The following RRM2B variants were observed in gnomAD, a reference collection of about 807,000 sequenced individuals.
RRM2B encodes ribonucleotide reductase regulatory TP53 inducible subunit M2B.
A neutral mutation model predicts 45.9 loss-of-function variants in RRM2B; 20 were observed. The observed-to-expected ratio is 0.44, with a 90% confidence interval of 0.31 to 0.63. The LOEUF is 0.63. Ranked by LOEUF, RRM2B falls within the 30% of genes least tolerant of loss-of-function variation. The pLI, the probability that RRM2B is intolerant of heterozygous loss-of-function variation, is 0.09. For synonymous variants in RRM2B, 124 were observed against 132.3 expected, an observed-to-expected ratio of 0.94 and a Z score of 0.43; for missense variants, 320 against 414.7, an observed-to-expected ratio of 0.77 and a Z score of 1.98.
intron 8 of RRM2B, among the ~76,000 whole-genome samples, chr8:102,212,372 A>G (rs1410991307): frequency 6.6e-6 from 1 of 152,222 alleles, no homozygotes; most frequent in Non-Finnish European, 1.5e-5. Flanking sequence ...CTGTTCAAAG[A>G]GTTATATTGT....
At chr8:102,214,468 A>T (rs894265533) in intron 6 of RRM2B, 5 of 295,652 alleles carry the variant, frequency 1.7e-5, no homozygotes, top group Non-Finnish European at 2.7e-5. Context: ...AGAAAGCCTG[A>T]AATGAAAATT....
intron 5 of RRM2B, among the ~76,000 whole-genome samples, chr8:102,220,754 C>G (rs1419882432): frequency 6.6e-6 from 1 of 152,148 alleles, no homozygotes; most frequent in Non-Finnish European, 1.5e-5. Flanking sequence ...GTATTGTAAC[C>G]ATGCTATACA....
At chr8:102,224,852 A>C (rs766155840) in intron 4 of RRM2B, 33 bp downstream of exon 4, 1 of 1,604,668 alleles carries the variant, frequency 6.2e-7, no homozygotes, top group South Asian at 1.1e-5. Context: ...CCAAGCCGTA[A>C]GCAATATTTT....
intron 2 of RRM2B, among the ~76,000 whole-genome samples, chr8:102,227,375 A>G (rs1417884023): frequency 1.3e-5 from 2 of 151,732 alleles, no homozygotes; most frequent in Non-Finnish European, 2.9e-5. Flanking sequence ...TCAGCTCACT[A>G]CAGTCTCTGC....
intron 6 of RRM2B, among the ~76,000 whole-genome samples, chr8:102,216,479 TTTATA>T (rs1303194808): frequency 3.3e-5 from 5 of 152,130 alleles, no homozygotes; most frequent in South Asian, 2.1e-4. Context: ...AAATTTGTAT[TTTATA>T]TTATATTTGT....
intron 2 of RRM2B, among the ~76,000 whole-genome samples, 160 bp downstream of exon 2, chr8:102,231,983 TAAACTA>T (rs1811038247): frequency 6.6e-6 from 1 of 152,196 alleles, no homozygotes; most frequent in East Asian, 1.9e-4. Flanking sequence ...GATAGTAATC[TAAACTA>T]AAACATTGAG....
At chr8:102,216,323 T>C (rs1810729759) in intron 6 of RRM2B, among the ~76,000 whole-genome samples, 1 of 151,986 alleles carries the variant, frequency 6.6e-6, no homozygotes, top group African/African-American at 2.4e-5. Flanking sequence ...CATTACAGAC[T>C]TAAAGGTTAA....
intron 6 of RRM2B, 87 bp downstream of exon 6, chr8:102,218,725 CAA>C (rs573218615): frequency 0.045 from 33,602 of 747,194 alleles, no homozygotes; most frequent in East Asian, 0.06. Context: ...GATCCTGTCT[CAA>C]AAAAAAAAAA....
At chr8:102,220,377 TTATC>T (rs1810809619) in intron 5 of RRM2B, among the ~76,000 whole-genome samples, 1 of 152,226 alleles carries the variant, frequency 6.6e-6, no homozygotes, top group Non-Finnish European at 1.5e-5. Context: ...ATAAGGATAA[TTATC>T]TGTCAGGAAA....
At position 102,232,008 on chromosome 8, in the gene RRM2B, A is replaced by C. The variant is rs1811038735; in HGVS notation, c.204+141T>G. On this transcript the variant is annotated intron_variant, in intron 2 of 8. Transcript: ENST00000251810. ...TAAACTAAAACATTGAGAACATCATATTTAGTCTCAGTAATTCCAACACTT... is the reference window on the plus strand; with the variant it reads ...TAAACTAAAACATTGAGAACATCATCTTTAGTCTCAGTAATTCCAACACTT... 3 of 803,864 alleles carry C rather than the reference A, an allele frequency of 3.7e-6. No homozygotes were observed. The East Asian group carries it at 7.5e-5, about 20-fold the overall frequency. The allele number at this position is 803,864 out of a possible 1,614,324, so 49.8% of individuals were successfully genotyped here. A position where few individuals can be genotyped will look rare whatever the true frequency, so the allele number is the denominator to read the frequency against.
In RRM2B at chr8:102,218,956, C is replaced by T. The variant is rs1810780789; in HGVS notation, c.551-9G>A. ...GGCCACCACTCTTTCCCCTGGGAGA[C>T]ATAAAATCGTTTCAATTTTTGAAAT... is the stretch of plus-strand genomic sequence containing the variant. On this transcript the variant is annotated splice_polypyrimidine_tract_variant and intron_variant, in intron 5 of 8. Transcript: ENST00000251810. 6 of 1,612,690 alleles carry T rather than the reference C, an allele frequency of 3.7e-6. No individual in the cohort carries two copies. The highest frequency in any genetic ancestry group is 5.1e-6 in the Non-Finnish European group (6 of 1,179,072).
At chr8:102,214,258 C>T in intron 6 of RRM2B, 100 bp from the exon 7 acceptor site, 1 of 809,652 alleles carries the variant, frequency 1.2e-6, no homozygotes, top group African/African-American at 1.7e-5. Context: ...AGGAATATAA[C>T]ACAGAACTTC....
chr8:102,213,695 A>C, intron 7 of RRM2B, among the ~76,000 whole-genome samples: 1 of 132,634 alleles, frequency 7.5e-6, no homozygotes, highest in East Asian at 2.0e-4. Context: ...GTTATTAAAA[A>C]TACAAAACAA....
At chr8:102,219,524 A>G (rs572574328) in intron 5 of RRM2B, among the ~76,000 whole-genome samples, 26 of 152,342 alleles carry the variant, frequency 1.7e-4, no homozygotes, top group African/African-American at 6.3e-4. Context: ...ATAAGCAAAA[A>G]TACTGTTTTC....
rs759180067 is a variant in RRM2B, at chr8:102,238,898, G to A, written c.-24C>T. On this transcript the variant is annotated 5_prime_UTR_variant, in exon 1 of 9. Transcript: ENST00000251810. ...ATCGCGCAGACTCCGCCGAAGCTAC[G>A]GGCGCTGAGGGAACTGAGCTCCTCA... 2 of 1,607,572 alleles carry A rather than the reference G, an allele frequency of 1.2e-6. No homozygotes were observed. The highest frequency in any genetic ancestry group is 1.7e-6 in the Non-Finnish European group (2 of 1,179,638).
intron 8 of RRM2B, among the ~76,000 whole-genome samples, chr8:102,211,054 C>G (rs1810627201): frequency 6.6e-6 from 1 of 152,140 alleles, no homozygotes; most frequent in African/African-American, 2.4e-5. Context: ...CTCTGTTGCT[C>G]AGGCTGGAGT....
At chr8:102,213,608 T>G (rs1448134617) in intron 7 of RRM2B, among the ~76,000 whole-genome samples, 1 of 152,164 alleles carries the variant, frequency 6.6e-6, no homozygotes, top group Non-Finnish European at 1.5e-5. Context: ...ATACCCTAAC[T>G]TAATTGTTAC....
chr8:102,208,909 G>T (rs553607291), intron 8 of RRM2B, among the ~76,000 whole-genome samples: 1 of 152,320 alleles, frequency 6.6e-6, no homozygotes, highest in Admixed American at 6.5e-5. Flanking sequence ...AGCACTTTGG[G>T]AGGCCGAGGT....
intron 2 of RRM2B, among the ~76,000 whole-genome samples, chr8:102,231,783 C>A (rs905481337): frequency 1.3e-5 from 2 of 150,048 alleles, no homozygotes; most frequent in African/African-American, 4.9e-5. Flanking sequence ...GCAGGAGAAT[C>A]GCTTGAACCC....
Sources: gnomAD v4.1 joint callset for allele counts (sites outside exome capture counted in the v4.1 genomes callset) on GRCh38, gnomAD v4.1.1 for gene constraint, MANE v1.5 for transcripts, NCBI Gene and HGNC (gene_info 2026-07-23, HGNC 2026-07-21) for gene names.